RRP1B: variants seen among roughly 807,000 people sequenced by gnomAD.
RRP1B encodes the protein ribosomal RNA processing 1B.
RRP1B carries 56 observed loss-of-function variants against 80.2 expected under a neutral mutation model. The observed-to-expected ratio is 0.70, with a 90% CI of 0.56 to 0.87. The LOEUF is 0.87. RRP1B is among the 40% of genes least tolerant of loss of function. RRP1B has a pLI of 0.00. For missense variants in RRP1B, 807 were observed against 939.8 expected (o/e 0.86, Z 1.85); for synonymous variants, 351 against 357.6 (o/e 0.98, Z 0.21).
At chr21:43,680,704 GCA>G (rs1175566718) in intron 8 of RRP1B, among the ~76,000 whole-genome samples, 5 of 152,118 alleles carry the variant, frequency 3.3e-5, no homozygotes, top group Non-Finnish European at 7.4e-5. Context: ...GGGACCACAA[GCA>G]CACACCTCTT....
At chr21:43,690,660 T>A (rs1461532961) in intron 14 of RRP1B, among the ~76,000 whole-genome samples, 1 of 152,138 alleles carries the variant, frequency 6.6e-6, no homozygotes, top group Non-Finnish European at 1.5e-5. Context: ...GGGCGGTTGA[T>A]CCACACATTC....
chr21:43,672,182 G>A (rs1223436211), intron 2 of RRP1B, 126 bp from the exon 3 acceptor site: 1 of 739,390 alleles, frequency 1.4e-6, no homozygotes, highest in Non-Finnish European at 2.4e-6. Flanking sequence ...ATACTTCTTA[G>A]TGGAAGTGAC....
intron 3 of RRP1B, among the ~76,000 whole-genome samples, chr21:43,672,772 A>T (rs3819161): frequency 6.6e-6 from 1 of 152,012 alleles, no homozygotes; most frequent in Admixed American, 6.5e-5. Flanking sequence ...ATAGAGAAAA[A>T]AAATTAGTTA....
chr21:43,687,005 G>A (rs905717379), intron 12 of RRP1B, 70 bp downstream of exon 12: 104 of 1,527,630 alleles, frequency 6.8e-5, no homozygotes, highest in African/African-American at 4.2e-5. Flanking sequence ...TGGAGGCCTC[G>A]GAGACTTGAG....
At chr21:43,676,496 A>G (rs1373576561) in intron 7 of RRP1B, among the ~76,000 whole-genome samples, 160 bp downstream of exon 7, 1 of 152,328 alleles carries the variant, frequency 6.6e-6, no homozygotes, top group Middle Eastern at 3.4e-3. Flanking sequence ...TGGCTCTTCT[A>G]GCTTCAGTAT....
intron 2 of RRP1B, among the ~76,000 whole-genome samples, chr21:43,671,934 G>A (rs2083000975): frequency 6.6e-6 from 1 of 152,162 alleles, no homozygotes; most frequent in South Asian, 2.1e-4. Flanking sequence ...TGATCCACCT[G>A]CCTCGGCCTC....
In RRP1B at chr21:43,676,725, A is replaced by G. The variant is rs776431147; in HGVS notation, c.615-8A>G. ...ATCACATGCTCTCCGCTGTGCTTCT[A>G]CCCTCAGCCACACCCTGGTACAGAC... On this transcript the variant is annotated splice_region_variant and splice_polypyrimidine_tract_variant and intron_variant, in intron 7 of 15. Transcript: ENST00000340648. 6.2e-7 allele frequency: 1 copy of G among 1,612,770 alleles called. No individual in the cohort carries two copies. Among genetic ancestry groups the G allele is most frequent in the Non-Finnish European group, 8.5e-7 (1 of 1,179,440 alleles).
intron 8 of RRP1B, among the ~76,000 whole-genome samples, chr21:43,682,563 C>G (rs551329955): frequency 1.3e-5 from 2 of 152,218 alleles, no homozygotes. Flanking sequence ...AGGTCCTAAA[C>G]TGACCTGAGA....
chr21:43,673,768 G>T, intron 3 of RRP1B, 102 bp from the exon 4 acceptor site: 1 of 664,794 alleles, frequency 1.5e-6, no homozygotes, highest in South Asian at 2.5e-5. Context: ...TGAGAAAAGT[G>T]AATAATAAAT....
intron 3 of RRP1B, among the ~76,000 whole-genome samples, chr21:43,672,834 C>T (rs2838345): frequency 0.59 from 89,143 of 152,090 alleles, 26,970 homozygotes; most frequent in East Asian, 0.82. Context: ...AAAAGGTAGC[C>T]GACTTCGTTT....
chr21:43,678,627 T>G (rs2083031314), intron 8 of RRP1B, among the ~76,000 whole-genome samples: 1 of 152,186 alleles, frequency 6.6e-6, no homozygotes, highest in African/African-American at 2.4e-5. Flanking sequence ...GATGGGATTG[T>G]TTTTTTCTTG....
At position 43,675,174 on chromosome 21, in the gene RRP1B, G is replaced by A. The variant is rs2083016863; in HGVS notation, c.549+11G>A. The A allele has an allele frequency of 1.2e-6, 2 of 1,613,094 alleles. No homozygotes were observed. Among genetic ancestry groups the A allele is most frequent in the South Asian group, 2.2e-5 (2 of 91,046 alleles). On this transcript the variant is annotated intron_variant, in intron 6 of 15. Coordinates refer to ENST00000340648, the MANE Select transcript of RRP1B (RefSeq NM_015056.3). ...GTCGGGGGGAAGGAGGTAAGCAGCT[G>A]CCGACAGGCTGCCCACGGGGTGAGG...
At chr21:43,677,036 A>G in intron 8 of RRP1B, 122 bp downstream of exon 8, 1 of 968,636 alleles carries the variant, frequency 1.0e-6, no homozygotes, top group Non-Finnish European at 1.5e-6. Flanking sequence ...GCTCTGCCTC[A>G]GCCCCTCCCA....
rs2083050963 is a variant in RRP1B at position 43,683,367 on chromosome 21, T to C, written c.885T>C (p.Leu295=). ...GAACCTTTGAGGACACAGGGCCCCT[T>C]CTCCAGGTGGGTAGCAGTTGTTGCT... ...DCGTFEDTGP[L]LQFDYKAVAD... The change falls in exon 9 of 16, where the codon CTT becomes CTC. Residue 295 remains leucine (L), a synonymous_variant. Coordinates refer to ENST00000340648, the MANE Select transcript of RRP1B (RefSeq NM_015056.3). The C allele has an allele frequency of 6.2e-6, 10 of 1,612,948 alleles. No homozygotes were observed. The highest frequency in any genetic ancestry group is 1.7e-5 in the Admixed American group (1 of 59,994).
intron 12 of RRP1B, 112 bp from the exon 13 acceptor site, chr21:43,687,404 C>G (rs2838348): frequency 0.63 from 782,675 of 1,251,128 alleles, 250,101 homozygotes; most frequent in African/African-American, 0.87. Flanking sequence ...GAACTTTCCT[C>G]GTGGTAGAAT....
At chr21:43,690,474 TC>T in intron 14 of RRP1B, 34 bp downstream of exon 14, 1 of 1,607,612 alleles carries the variant, frequency 6.2e-7, no homozygotes, top group South Asian at 1.1e-5. Context: ...ACAGCACATT[TC>T]ACCACAAGGG....
chr21:43,693,767 G>A lies in RRP1B; in HGVS notation c.*384G>A, dbSNP rs968641733. 1 of 176,642 alleles carries A rather than the reference G, an allele frequency of 5.7e-6. No individual in the cohort carries two copies. The highest frequency in any genetic ancestry group is 1.2e-5 in the Non-Finnish European group (1 of 85,816). 10.9% of individuals were successfully genotyped at this position (176,642 alleles called of 1,614,324 possible). A position where few individuals can be genotyped will look rare whatever the true frequency, so the allele number is the denominator to read the frequency against. Reference sequence around the variant, plus strand: ...GCACTTCTGTTGAGCTCTCAGTTCTGCGGAATTTGGTACTCATTACCGTAT... The same window carrying A: ...GCACTTCTGTTGAGCTCTCAGTTCTACGGAATTTGGTACTCATTACCGTAT... On this transcript the variant is annotated 3_prime_UTR_variant, in exon 16 of 16. Coordinates refer to ENST00000340648, the MANE Select transcript of RRP1B (RefSeq NM_015056.3). The surrounding 1 kb of genome is among the most constrained non-coding windows in gnomAD (Gnocchi z 4.1).
chr21:43,693,495 T>C lies in RRP1B; in HGVS notation c.*112T>C, dbSNP rs1173151735. ...ATTTTGTAAGTTCCCATAAGTTGTG[T>C]GCACGAGGTTCTGAGAGTGCCCGCA... On this transcript the variant is annotated 3_prime_UTR_variant, in exon 16 of 16. Transcript: ENST00000340648. The surrounding 1 kb of genome is among the most constrained non-coding windows in gnomAD (Gnocchi z 4.1). The C allele has an allele frequency of 8.7e-7, 1 of 1,147,090 alleles. No individual in the cohort carries two copies. Among genetic ancestry groups the C allele is most frequent in the Non-Finnish European group, 1.2e-6 (1 of 848,942 alleles). 71.1% of individuals were successfully genotyped at this position (1,147,090 alleles called of 1,614,324 possible). A position where few individuals can be genotyped will look rare whatever the true frequency, so the allele number is the denominator to read the frequency against.
intron 1 of RRP1B, among the ~76,000 whole-genome samples, chr21:43,666,593 G>A (rs541703305): frequency 3.9e-5 from 6 of 152,098 alleles, no homozygotes; most frequent in African/African-American, 9.6e-5. Flanking sequence ...TGGCAGGTGC[G>A]TGTAATCCCA....
Sources: gnomAD v4.1 joint callset for allele counts (sites outside exome capture counted in the v4.1 genomes callset) on GRCh38, gnomAD v4.1.1 for gene constraint, Gnocchi (gnomAD v3.1) non-coding constraint, MANE v1.5 for transcripts, NCBI Gene and HGNC (gene_info 2026-07-23, HGNC 2026-07-21) for gene names.